NAALADL2: variants seen among roughly 807,000 people sequenced by gnomAD.
NAALADL2 encodes N-acetylated alpha-linked acidic dipeptidase like 2.
In NAALADL2, 76 loss-of-function variants were observed where a neutral mutation model predicts 87.2. The observed-to-expected ratio is 0.87, with a 90% confidence interval of 0.72 to 1.05. The LOEUF (loss-of-function observed/expected upper bound fraction) is 1.05. Ranked by LOEUF, NAALADL2 falls within the 50% of genes least tolerant of loss-of-function variation. The pLI, the probability that NAALADL2 is intolerant of heterozygous loss-of-function variation, is 0.00. For synonymous variants in NAALADL2, 354 were observed against 331.0 expected (o/e 1.07, Z -0.75); for missense variants, 1,089 against 945.8 (o/e 1.15, Z -1.99).
At chr3:175,115,501 C>CAT (rs3067073) in intron 2 of NAALADL2, among the ~76,000 whole-genome samples, 91,358 of 151,082 alleles carry the variant, frequency 0.6, 28,102 homozygotes, top group African/African-American at 0.73. Context: ...TAGCAGATAA[C>CAT]GTGTATCCTA....
At chr3:175,266,322 TG>T (rs947905339) in intron 4 of NAALADL2, among the ~76,000 whole-genome samples, 12 of 151,104 alleles carry the variant, frequency 7.9e-5, no homozygotes, top group African/African-American at 2.7e-4. Context: ...TAATCAATAT[TG>T]GAATAATTTT....
intron 2 of NAALADL2, among the ~76,000 whole-genome samples, chr3:175,125,287 C>T (rs550765899): frequency 2.6e-5 from 4 of 151,868 alleles, no homozygotes; most frequent in African/African-American, 9.7e-5. Flanking sequence ...CATTGTAAGT[C>T]GAGTTTGTTT....
At chr3:174,864,102 C>T (rs1457294473) in intron 1 of NAALADL2, 2 of 454,786 alleles carry the variant, frequency 4.4e-6, no homozygotes, top group South Asian at 3.1e-5. Flanking sequence ...TGAGTCTGAC[C>T]TAAATGAGTG....
intron 2 of NAALADL2, among the ~76,000 whole-genome samples, chr3:175,226,283 CA>C (rs1334434085): frequency 1.3e-5 from 2 of 152,074 alleles, no homozygotes; most frequent in African/African-American, 4.8e-5. Context: ...AGATGGTTCC[CA>C]AACTGTGAAA....
intron 11 of NAALADL2, among the ~76,000 whole-genome samples, chr3:175,636,919 T>A (rs970222575): frequency 5.3e-5 from 8 of 152,184 alleles, no homozygotes; most frequent in Non-Finnish European, 1.0e-4. Flanking sequence ...TTCTTGTCAA[T>A]GTCAGAAACA....
chr3:174,745,264 A>G (rs191715892), intron 3 of NAALADL2, among the ~76,000 whole-genome samples: 10 of 152,310 alleles, frequency 6.6e-5, no homozygotes, highest in African/African-American at 2.2e-4. Context: ...AGGGCATATC[A>G]CCACTGACCC....
At chr3:175,097,993 G>A (rs188141161) in intron 2 of NAALADL2, among the ~76,000 whole-genome samples, 2 of 152,090 alleles carry the variant, frequency 1.3e-5, no homozygotes, top group Admixed American at 6.5e-5. Flanking sequence ...CCAAGATGTT[G>A]GCAGGTGTGC....
intron 2 of NAALADL2, among the ~76,000 whole-genome samples, chr3:175,208,951 CTTTAT>C (rs1741367203): frequency 6.6e-6 from 1 of 152,122 alleles, no homozygotes. Context: ...TGTAATGTTG[CTTTAT>C]TTTGTTTTTA....
At chr3:175,302,346 T>C (rs1476620763) in intron 4 of NAALADL2, among the ~76,000 whole-genome samples, 2 of 152,196 alleles carry the variant, frequency 1.3e-5, no homozygotes, top group African/African-American at 4.8e-5. Context: ...CACTTTTAGA[T>C]CGTTATTATT....
chr3:175,214,913 G>C (rs11716653), intron 2 of NAALADL2, among the ~76,000 whole-genome samples: 47,583 of 151,906 alleles, frequency 0.31, 7,679 homozygotes, highest in Admixed American at 0.38. Context: ...GAGTTTACTT[G>C]ACACACACAA....
At chr3:174,463,611 T>G (rs1035686255) in intron 1 of NAALADL2, among the ~76,000 whole-genome samples, 1 of 149,542 alleles carries the variant, frequency 6.7e-6, no homozygotes, top group Non-Finnish European at 1.5e-5. Context: ...TTTTTTTTTT[T>G]TTTTTTTGAG....
chr3:175,415,513 A>G (rs968122034), intron 5 of NAALADL2, among the ~76,000 whole-genome samples: 2 of 152,170 alleles, frequency 1.3e-5, no homozygotes, highest in African/African-American at 4.8e-5. Context: ...TAGAAAATAT[A>G]GAATGTGAGA....
intron 5 of NAALADL2, among the ~76,000 whole-genome samples, chr3:175,345,768 A>T (rs1434009045): frequency 6.6e-6 from 1 of 152,114 alleles, no homozygotes; most frequent in African/African-American, 2.4e-5. Context: ...TTCCATAGTG[A>T]TTGTCAATAG....
At chr3:175,115,942 A>G (rs1245293245) in intron 2 of NAALADL2, among the ~76,000 whole-genome samples, 1 of 151,884 alleles carries the variant, frequency 6.6e-6, no homozygotes. Flanking sequence ...TATGCAAATC[A>G]ATAAATGTAA....
chr3:175,793,307 C>CTTTTT (rs66905230), intron 13 of NAALADL2, among the ~76,000 whole-genome samples: 4 of 116,928 alleles, frequency 3.4e-5, no homozygotes, highest in African/African-American at 9.7e-5. Flanking sequence ...CATTTTCTTT[C>CTTTTT]TTTTTTTTTT....
intron 2 of NAALADL2, among the ~76,000 whole-genome samples, chr3:174,568,320 G>C (rs1378529003): frequency 1.3e-5 from 2 of 151,748 alleles, no homozygotes; most frequent in East Asian, 3.9e-4. Context: ...AGAAGTAAAA[G>C]AAAGTTTTGT....
At chr3:174,713,285 G>A (rs1730856764) in intron 2 of NAALADL2, among the ~76,000 whole-genome samples, 1 of 152,164 alleles carries the variant, frequency 6.6e-6, no homozygotes, top group South Asian at 2.1e-4. Context: ...TGTCTTTATA[G>A]CAGCATGATT....
intron 2 of NAALADL2, among the ~76,000 whole-genome samples, chr3:175,121,294 G>A (rs971041437): frequency 1.3e-5 from 2 of 151,762 alleles, no homozygotes; most frequent in Admixed American, 1.3e-4. Flanking sequence ...TTTGTCTTGG[G>A]CTTTAACAAA....
At chr3:174,706,143 T>C (rs901933825) in intron 2 of NAALADL2, among the ~76,000 whole-genome samples, 1 of 152,230 alleles carries the variant, frequency 6.6e-6, no homozygotes, top group Non-Finnish European at 1.5e-5. Flanking sequence ...AAAATTTTGT[T>C]ATAAAACTCT....
Sources: allele counts gnomAD v4.1 joint callset (sites outside exome capture counted in the v4.1 genomes callset), GRCh38; gene constraint gnomAD v4.1.1; transcripts MANE v1.5; gene names NCBI Gene and HGNC (gene_info 2026-07-23, HGNC 2026-07-21).